Variants in C3 observed in about 807,000 individuals in gnomAD.
The protein encoded by C3 is complement C3.
In C3, 97 loss-of-function variants were observed where a neutral mutation model predicts 207.9. The observed-to-expected ratio is 0.47, with a 90% confidence interval of 0.40 to 0.55. C3 has a LOEUF of 0.55. C3 is among the 20% of genes least tolerant of loss of function. The pLI is 0.00. For missense variants in C3, 1,684 were observed against 2,171.7 expected (o/e 0.78, Z 4.46); for synonymous variants, 848 against 857.6 (o/e 0.99, Z 0.20).
At chr19:6,701,498 T>C (rs1967671397) in intron 19 of C3, among the ~76,000 whole-genome samples, 1 of 152,252 alleles carries the variant, frequency 6.6e-6, no homozygotes, top group Non-Finnish European at 1.5e-5. Context: ...GCCATGTCTG[T>C]GTCGTCTTTC....
chr19:6,715,618 T>G (rs1040493911), intron 4 of C3, among the ~76,000 whole-genome samples: 1 of 146,340 alleles, frequency 6.8e-6, no homozygotes, highest in African/African-American at 2.5e-5. Flanking sequence ...GTTTTTTTTT[T>G]GTTTTTTTTG....
intron 40 of C3, 56 bp downstream of exon 40, chr19:6,678,096 C>A: frequency 6.2e-7 from 1 of 1,613,832 alleles, no homozygotes; most frequent in Non-Finnish European, 8.5e-7. Flanking sequence ...ATGGTGTGGG[C>A]GTGGCATGGG....
intron 28 of C3, 52 bp downstream of exon 28, chr19:6,686,694 G>A (rs558722893): frequency 7.7e-5 from 122 of 1,578,132 alleles, no homozygotes; most frequent in East Asian, 7.6e-4. Flanking sequence ...AGTATCTCCC[G>A]CCCTGAACTT....
intron 27 of C3, among the ~76,000 whole-genome samples, chr19:6,687,548 G>A (rs1307699500): frequency 4.6e-5 from 7 of 152,140 alleles, no homozygotes; most frequent in African/African-American, 1.7e-4. Context: ...TTCTGGGGAT[G>A]GGGGAAGACA....
chr19:6,692,332 C>G (rs567363660), intron 26 of C3, among the ~76,000 whole-genome samples: 2 of 152,322 alleles, frequency 1.3e-5, no homozygotes, highest in East Asian at 3.9e-4. Flanking sequence ...GATCACACTT[C>G]GAGAACCAGT....
At chr19:6,700,635 TTA>T (rs1446718447) in intron 19 of C3, among the ~76,000 whole-genome samples, 1 of 48,926 alleles carries the variant, frequency 2.0e-5, no homozygotes, top group African/African-American at 1.4e-4. Flanking sequence ...ATATGATATA[TTA>T]TATATGTAAT....
At chr19:6,707,978 T>C in intron 14 of C3, 49 bp from the exon 15 acceptor site, 3 of 1,608,476 alleles carry the variant, frequency 1.9e-6, no homozygotes, top group Non-Finnish European at 2.5e-6. Context: ...AGGCTGACAA[T>C]TGGGATCCCC....
chr19:6,690,586 A>ACC, intron 27 of C3, 43 bp downstream of exon 27: 1 of 1,511,514 alleles, frequency 6.6e-7, no homozygotes, highest in South Asian at 1.1e-5. Flanking sequence ...TGTGCTCTGC[A>ACC]TCGGGTAAGG....
intron 7 of C3, 27 bp from the exon 8 acceptor site, chr19:6,713,536 G>A (rs374018748): frequency 1.2e-4 from 192 of 1,536,764 alleles, no homozygotes; most frequent in Non-Finnish European, 1.7e-4. Context: ...GAGGGCTTCA[G>A]GTCCATCCCT....
intron 11 of C3, 111 bp downstream of exon 11, chr19:6,712,146 C>A: frequency 7.2e-7 from 1 of 1,390,422 alleles, no homozygotes; most frequent in Non-Finnish European, 1.0e-6. Flanking sequence ...GAGAACCTCT[C>A]TATGCAGATG....
intron 26 of C3, 50 bp from the exon 27 acceptor site, chr19:6,690,777 A>G (rs1568214219): frequency 1.4e-6 from 2 of 1,392,246 alleles, no homozygotes; most frequent in Non-Finnish European, 2.0e-6. Flanking sequence ...GTGTCCACAC[A>G]TGGCAGTCAT....
At chr19:6,717,959 G>T in intron 4 of C3, 135 bp downstream of exon 4, 1 of 828,474 alleles carries the variant, frequency 1.2e-6, no homozygotes, top group Non-Finnish European at 2.1e-6. Context: ...GTGTGGGTGT[G>T]TGTCTGCATA....
At position 6,680,187 on chromosome 19, in the gene C3, G is replaced by A; in HGVS notation, c.4427C>T (p.Ala1476Val). ...GTTGTAATAGGCGTAGACCTTGACT[G>A]CTCCAGGCTGGATAAGCTCTACATT... The part of the protein sequence containing the change: ...YFNVELIQPG[A>V]VKVYAYYNLE... Residue 1476 changes from alanine to valine, a missense_variant, in exon 36 of 41, where the codon GCA becomes GTA. Coordinates refer to ENST00000245907, the MANE Select transcript of C3 (RefSeq NM_000064.4). 3.1e-6 allele frequency: 5 copies of A among 1,612,654 alleles called. No individual in the cohort carries two copies. The highest frequency in any genetic ancestry group is 3.4e-6 in the Non-Finnish European group (4 of 1,178,680).
chr19:6,697,992 A>T (rs548449023), intron 19 of C3, among the ~76,000 whole-genome samples, 198 bp from the exon 20 acceptor site: 16 of 4,276 alleles, frequency 3.7e-3, no homozygotes, highest in Non-Finnish European at 5.2e-3. Flanking sequence ...ACCATTATTT[A>T]TTATTATTAT....
At chr19:6,718,558 G>A in intron 2 of C3, 146 bp from the exon 3 acceptor site, 2 of 865,530 alleles carry the variant, frequency 2.3e-6, no homozygotes, top group Non-Finnish European at 3.7e-6. Context: ...AGGGGCATGT[G>A]AAGGAGGTGC....
chr19:6,683,995 T>C (rs1322713564), intron 33 of C3, among the ~76,000 whole-genome samples: 2 of 152,150 alleles, frequency 1.3e-5, no homozygotes, highest in African/African-American at 2.4e-5. Flanking sequence ...GCTACTTGAG[T>C]GGCTGAGGCA....
At chr19:6,708,439 A>G (rs1376616887) in intron 14 of C3, among the ~76,000 whole-genome samples, 1 of 151,780 alleles carries the variant, frequency 6.6e-6, no homozygotes, top group African/African-American at 2.4e-5. Flanking sequence ...GTGAGCCACC[A>G]TGCCCGGCCT....
At chr19:6,697,237 T>C (rs1391164491) in intron 21 of C3, 107 bp downstream of exon 21, 1 of 860,750 alleles carries the variant, frequency 1.2e-6, no homozygotes, top group Non-Finnish European at 1.9e-6. Flanking sequence ...AGCTGGACAC[T>C]ATGATTCTTA....
chr19:6,712,276 T>G lies in C3; in HGVS notation c.1250A>C (p.Gln417Pro). 1 of 1,614,032 alleles carries G rather than the reference T, an allele frequency of 6.2e-7. No individual in the cohort carries two copies. The highest frequency in any genetic ancestry group is 8.5e-7 in the Non-Finnish European group (1 of 1,180,016). The change falls in exon 11 of 41, where the codon CAG (glutamine) becomes CCG (proline). Residue 417 changes from glutamine to proline, a missense_variant. This residue lies in a region of C3 where 1,280 missense variants were observed against 1,739.1 expected (regional missense o/e 0.74). Coordinates refer to ENST00000245907, the MANE Select transcript of C3 (RefSeq NM_000064.4). ...AKLSINTHPSQKPLSITVRTK... is the reference protein window; with the variant it reads ...AKLSINTHPSPKPLSITVRTK... ...ACGCACCGTGATGCTCAAGGGCTTC[T>G]GGCTGGGGTGTGTGTTGATGCTGAG...
Sources: gnomAD v4.1 joint callset for allele counts (sites outside exome capture counted in the v4.1 genomes callset) on GRCh38, gnomAD v4.1.1 for gene constraint, gnomAD v4.1.1 regional missense constraint, MANE v1.5 for transcripts, NCBI Gene and HGNC (gene_info 2026-07-23, HGNC 2026-07-21) for gene names.